The following TBPL1 variants were observed in gnomAD, a reference collection of about 807,000 sequenced individuals.
TBPL1 encodes TATA-box binding protein like 1, also known as TATA box-binding protein-like 1.
Under a neutral mutation model 22.1 loss-of-function variants are expected in TBPL1, and 4 were observed. The ratio of observed to expected loss-of-function variants is 0.18; its 90% CI spans 0.09 to 0.41. TBPL1 has a LOEUF of 0.41. Ranked by LOEUF, TBPL1 falls within the 10% of genes least tolerant of loss-of-function variation. The pLI is 1.00. For synonymous variants in TBPL1, 64 were observed against 71.0 expected, an observed-to-expected ratio of 0.90 and a Z score of 0.50; for missense variants, 115 against 222.3, an observed-to-expected ratio of 0.52 and a Z score of 3.07.
At chr6:133,967,274 A>G (rs771524363) in intron 1 of TBPL1, among the ~76,000 whole-genome samples, 6 of 152,242 alleles carry the variant, frequency 3.9e-5, no homozygotes, top group Non-Finnish European at 8.8e-5. Context: ...CTGTAGAACA[A>G]GTGGGAGTGG....
intron 1 of TBPL1, among the ~76,000 whole-genome samples, chr6:133,966,868 T>G (rs942681665): frequency 6.6e-6 from 1 of 152,220 alleles, no homozygotes; most frequent in Admixed American, 6.5e-5. Context: ...TGGACTGCTG[T>G]GCTACCCATT....
chr6:133,982,412 A>G, intron 2 of TBPL1, among the ~76,000 whole-genome samples, 156 bp from the exon 3 acceptor site: 1 of 152,176 alleles, frequency 6.6e-6, no homozygotes, highest in Non-Finnish European at 1.5e-5. Flanking sequence ...TGTGTTTGGT[A>G]TTGTACTTGA....
intron 1 of TBPL1, among the ~76,000 whole-genome samples, chr6:133,976,916 C>A (rs1291713924): frequency 1.4e-5 from 2 of 147,116 alleles, no homozygotes; most frequent in Admixed American, 1.4e-4. Flanking sequence ...TGCCGTGAGC[C>A]AAGATCGCGT....
chr6:133,961,909 T>C (rs1776031971), intron 1 of TBPL1, among the ~76,000 whole-genome samples: 1 of 152,190 alleles, frequency 6.6e-6, no homozygotes, highest in Non-Finnish European at 1.5e-5. Flanking sequence ...GTCTTTTTCT[T>C]CCACTGAAAT....
At chr6:133,972,313 A>G (rs993445792) in intron 1 of TBPL1, among the ~76,000 whole-genome samples, 6 of 152,172 alleles carry the variant, frequency 3.9e-5, no homozygotes, top group Non-Finnish European at 7.3e-5. Flanking sequence ...AAATCACTCA[A>G]ATTTCTCTCA....
At chr6:133,980,312 T>G (rs1776386766) in intron 2 of TBPL1, 52 bp downstream of exon 2, 2 of 1,516,138 alleles carry the variant, frequency 1.3e-6, no homozygotes, top group South Asian at 2.7e-5. Flanking sequence ...TTTATAGTTC[T>G]ATGACTAATA....
At chr6:133,959,945 C>G (rs1455407255) in intron 1 of TBPL1, among the ~76,000 whole-genome samples, 42 of 152,198 alleles carry the variant, frequency 2.8e-4, no homozygotes, top group Non-Finnish European at 1.5e-5. Context: ...CTGTTTGAAA[C>G]TCAGTTAATG....
intron 1 of TBPL1, among the ~76,000 whole-genome samples, chr6:133,961,562 G>A (rs1291477158): frequency 4.2e-5 from 6 of 144,028 alleles, no homozygotes; most frequent in African/African-American, 7.7e-5. Context: ...TCCGCCTCCC[G>A]AGTTCAAGCA....
Position 133,987,183 on chromosome 6 carries a change from C to G in TBPL1, c.*143C>G, listed in dbSNP as rs1358449074. On this transcript the variant is annotated 3_prime_UTR_variant, in exon 7 of 7. Coordinates refer to ENST00000237264, the MANE Select transcript of TBPL1 (RefSeq NM_004865.4). The stretch of plus-strand genomic sequence containing the variant: ...ACGGCTACAGTGTAAGCTCCAGTCC[C>G]TTTGGATTTTATTCCAAACCTTGCT... The G allele has an allele frequency of 1.2e-5, 6 of 485,924 alleles. No homozygotes were observed. The highest frequency in any genetic ancestry group is 1.0e-4 in the African/African-American group (5 of 49,800). 30.1% of individuals were successfully genotyped at this position (485,924 alleles called of 1,614,324 possible). A position where few individuals can be genotyped will look rare whatever the true frequency, so the allele number is the denominator to read the frequency against.
chr6:133,973,443 G>T (rs1776259284), intron 1 of TBPL1, among the ~76,000 whole-genome samples: 1 of 152,116 alleles, frequency 6.6e-6, no homozygotes, highest in South Asian at 2.1e-4. Flanking sequence ...CTTTCAATTA[G>T]ATTTTAGATT....
intron 1 of TBPL1, among the ~76,000 whole-genome samples, chr6:133,977,022 G>C (rs1776326681): frequency 6.6e-6 from 1 of 151,634 alleles, no homozygotes; most frequent in Admixed American, 6.6e-5. Flanking sequence ...TCGTTGGACT[G>C]TCATTCTAAT....
intron 1 of TBPL1, among the ~76,000 whole-genome samples, chr6:133,967,352 ATAT>A: frequency 6.6e-6 from 1 of 152,346 alleles, no homozygotes; most frequent in South Asian, 2.1e-4. Flanking sequence ...CAAAAGGTTA[ATAT>A]TCTTTATATA....
intron 1 of TBPL1, among the ~76,000 whole-genome samples, chr6:133,959,713 C>T (rs1017002809): frequency 5.3e-5 from 8 of 152,074 alleles, no homozygotes; most frequent in Admixed American, 5.2e-4. Flanking sequence ...GAACTTCTGA[C>T]CTCAGGTGGT....
chr6:133,969,262 T>C (rs1366649723), intron 1 of TBPL1, among the ~76,000 whole-genome samples: 2 of 150,270 alleles, frequency 1.3e-5, no homozygotes, highest in African/African-American at 4.9e-5. Context: ...TTTTTTTTTT[T>C]TTTTTTTTTT....
At chr6:133,960,660 A>G (rs1018491596) in intron 1 of TBPL1, among the ~76,000 whole-genome samples, 3 of 152,196 alleles carry the variant, frequency 2.0e-5, no homozygotes, top group African/African-American at 7.2e-5. Context: ...TCTTGGTTAT[A>G]TATTTTTGCT....
At position 133,982,806 on chromosome 6, in the gene TBPL1, T is replaced by G. The variant is rs375553615; in HGVS notation, c.219-11T>G. ...GTAACTGATAATCTTTTTCTTTCCTTAAAACCGTAGTGAAGAAGAAGCTAA... is the reference window on the plus strand; with the variant it reads ...GTAACTGATAATCTTTTTCTTTCCTGAAAACCGTAGTGAAGAAGAAGCTAA... On this transcript the variant is annotated splice_polypyrimidine_tract_variant and intron_variant, in intron 3 of 6. Transcript: ENST00000237264. The G allele has an allele frequency of 4.3e-5, 69 of 1,609,302 alleles. No homozygotes were observed. The highest frequency in any genetic ancestry group is 5.3e-5 in the Non-Finnish European group (63 of 1,178,796).
intron 1 of TBPL1, among the ~76,000 whole-genome samples, chr6:133,955,605 C>G (rs945393746): frequency 2.8e-4 from 43 of 152,122 alleles, no homozygotes; most frequent in African/African-American, 1.0e-3. Context: ...AGGTTAAGAG[C>G]CTCTGCTGAA....
rs143479506 is a variant in TBPL1 at position 133,986,619 on chromosome 6, C to T, written c.482-342C>T. The stretch of plus-strand genomic sequence containing the variant: ...CTAACCAGAAGCCAGATGATAGTGA[C>T]TTAAAGGATAGCTGTTATTTAGTCC... On this transcript the variant is annotated intron_variant, in intron 6 of 6. Coordinates refer to ENST00000237264, the MANE Select transcript of TBPL1 (RefSeq NM_004865.4). 8.4e-3 allele frequency among the ~76,000 whole-genome samples: 1,282 copies of T among 152,258 alleles called. 38 individuals carry two copies. Among genetic ancestry groups the T allele is most frequent in the Admixed American group, 0.062 (947 of 15,284 alleles).
intron 1 of TBPL1, among the ~76,000 whole-genome samples, chr6:133,977,129 G>T (rs906555931): frequency 4.6e-5 from 7 of 152,146 alleles, no homozygotes; most frequent in African/African-American, 1.7e-4. Context: ...CAGATGAACT[G>T]ATTGCAAGTG....
Sources: gnomAD v4.1 joint callset for allele counts (sites outside exome capture counted in the v4.1 genomes callset) on GRCh38, gnomAD v4.1.1 for gene constraint, MANE v1.5 for transcripts, NCBI Gene and HGNC (gene_info 2026-07-23, HGNC 2026-07-21) for gene names.